Variants in MYOM2 observed in about 807,000 individuals in gnomAD.
The protein encoded by MYOM2 is myomesin-2.
In MYOM2, 254 loss-of-function variants were observed where a neutral mutation model predicts 187.6. The ratio of observed to expected loss-of-function variants is 1.35; its 90% CI spans 1.22 to 1.50. MYOM2 has a LOEUF of 1.50. Ranked by LOEUF, MYOM2 falls within the 40% of genes most tolerant of loss-of-function variation. The pLI, the probability that MYOM2 is intolerant of heterozygous loss-of-function variation, is 0.00. For synonymous variants in MYOM2, 981 were observed against 753.8 expected (o/e 1.30, Z -4.94); for missense variants, 2,796 against 1,924.0 (o/e 1.45, Z -8.48).
At chr8:2,135,370 T>C (rs746904493) in intron 32 of MYOM2, among the ~76,000 whole-genome samples, 1 of 152,230 alleles carries the variant, frequency 6.6e-6, no homozygotes, top group Non-Finnish European at 1.5e-5. Context: ...TGTTCATTTG[T>C]TACTGTTCGT....
rs543060411 is a variant in MYOM2 at position 2,115,691 on chromosome 8, T to C, written c.3181-269T>C. On this transcript the variant is annotated intron_variant, in intron 25 of 36. Transcript: ENST00000262113. Reference sequence around the variant, plus strand: ...TATCTGCTTCACGTTAGTAACTCATTCTTGGGTAGGTGTGGAGTCTCTGCC... The same window carrying C: ...TATCTGCTTCACGTTAGTAACTCATCCTTGGGTAGGTGTGGAGTCTCTGCC... Among the ~76,000 whole-genome samples the C allele has an allele frequency of 1.3e-5, 2 of 152,362 alleles. 1 individual carries two copies. The highest frequency in any genetic ancestry group is 4.1e-4 in the South Asian group (2 of 4,826).
rs1272038420 is a variant in MYOM2 at position 2,057,410 on chromosome 8, C to T, written c.326C>T (p.Ala109Val). 2 of 1,613,880 alleles carry T rather than the reference C, an allele frequency of 1.2e-6. No homozygotes were observed. Among genetic ancestry groups the T allele is most frequent in the East Asian group, 4.5e-5 (2 of 44,872 alleles). ...CGACAGCGCTTCCTCAGCGAGCTGG[C>T]CCACTTGGAGGAGGATGTCCACCTG... Reference protein sequence around the residue: ...AKRQRFLSELAHLEEDVHLAR... With the variant: ...AKRQRFLSELVHLEEDVHLAR... Residue 109 changes from alanine to valine, a missense_variant, in exon 4 of 37, where the codon GCC becomes GTC. By Grantham distance (64) the Ala-to-Val change is moderately conservative. Coordinates refer to ENST00000262113, the MANE Select transcript of MYOM2 (RefSeq NM_003970.4).
At chr8:2,073,797 G>A (rs926303945) in intron 10 of MYOM2, among the ~76,000 whole-genome samples, 1 of 152,214 alleles carries the variant, frequency 6.6e-6, no homozygotes, top group East Asian at 1.9e-4. Context: ...CCAAGAGTGA[G>A]TGCCCCAGAT....
chr8:2,089,840 T>C (rs977928317), intron 14 of MYOM2, among the ~76,000 whole-genome samples, 168 bp from the exon 15 acceptor site: 2 of 152,234 alleles, frequency 1.3e-5, no homozygotes, highest in Non-Finnish European at 2.9e-5. Context: ...ATTGGCATCA[T>C]GTTTCATAAA....
chr8:2,140,863 G>T lies in MYOM2; in HGVS notation c.3941G>T (p.Arg1314Leu), dbSNP rs767285909. 3 of 1,613,746 alleles carry T rather than the reference G, an allele frequency of 1.9e-6. No individual in the cohort carries two copies. The highest frequency in any genetic ancestry group is 1.7e-6 in the Non-Finnish European group (2 of 1,179,860). ...EIFDGKDNHQRSLDLSGQAFD... is the reference protein window; with the variant it reads ...EIFDGKDNHQLSLDLSGQAFD... ...TTCGATGGCAAAGACAACCATCAAC[G>T]CTCCCTTGACCTGTCCGGACAAGGT... is the stretch of plus-strand genomic sequence containing the variant. Residue 1314 changes from arginine (R) to leucine (L), a missense_variant, in exon 33 of 37, where the codon CGC becomes CTC. Transcript: ENST00000262113.
At chr8:2,106,455 A>G (rs1346385501) in intron 22 of MYOM2, 36 bp from the exon 23 acceptor site, 1 of 1,610,162 alleles carries the variant, frequency 6.2e-7, no homozygotes, top group African/African-American at 1.3e-5. Context: ...TGCAAACAGA[A>G]ATGATCGACA....
At chr8:2,140,140 C>G (rs550168638) in intron 32 of MYOM2, among the ~76,000 whole-genome samples, 1 of 152,132 alleles carries the variant, frequency 6.6e-6, no homozygotes, top group Non-Finnish European at 1.5e-5. Flanking sequence ...ACCCTAAGCC[C>G]TTCATAGGAG....
intron 17 of MYOM2, among the ~76,000 whole-genome samples, chr8:2,094,721 A>G (rs563530248): frequency 1.3e-5 from 2 of 152,352 alleles, no homozygotes; most frequent in Non-Finnish European, 2.9e-5. Context: ...AGCAACATCC[A>G]TGACCTTTTT....
In MYOM2 at chr8:2,100,873, C is replaced by G; in HGVS notation, c.2441-3C>G. 6.2e-7 allele frequency: 1 copy of G among 1,614,050 alleles called. No homozygotes were observed. The highest frequency in any genetic ancestry group is 8.5e-7 in the Non-Finnish European group (1 of 1,179,936). ...AGAAACAAGGTGGCATCTGACTTCACAGGTCCTGCCTACGACTTGACGTTC... is the reference window on the plus strand; with the variant it reads ...AGAAACAAGGTGGCATCTGACTTCAGAGGTCCTGCCTACGACTTGACGTTC... On this transcript the variant is annotated splice_region_variant and splice_polypyrimidine_tract_variant and intron_variant, in intron 19 of 36. Transcript: ENST00000262113.
At chr8:2,142,982 C>A (rs1341493304) in intron 35 of MYOM2, among the ~76,000 whole-genome samples, 1 of 152,016 alleles carries the variant, frequency 6.6e-6, no homozygotes, top group African/African-American at 2.4e-5. Flanking sequence ...TCTCTAACTC[C>A]TGACCTCAGA....
At chr8:2,104,455 A>T (rs1027744431) in intron 21 of MYOM2, among the ~76,000 whole-genome samples, 1 of 152,046 alleles carries the variant, frequency 6.6e-6, no homozygotes, top group Admixed American at 6.5e-5. Flanking sequence ...TACAAAAAGA[A>T]TTAGCTGGGC....
intron 28 of MYOM2, among the ~76,000 whole-genome samples, chr8:2,121,213 C>T (rs968263624): frequency 6.6e-6 from 1 of 152,078 alleles, no homozygotes; most frequent in Non-Finnish European, 1.5e-5. Context: ...AAATCAGTTC[C>T]TTAGGGAGTC....
At chr8:2,073,733 AT>A (rs1396666112) in intron 10 of MYOM2, among the ~76,000 whole-genome samples, 8 of 152,118 alleles carry the variant, frequency 5.3e-5, no homozygotes, top group Admixed American at 3.9e-4. Flanking sequence ...CAGAATCATC[AT>A]TTTTTTGTCT....
intron 14 of MYOM2, among the ~76,000 whole-genome samples, chr8:2,087,682 C>G (rs572378910): frequency 3.8e-4 from 58 of 152,340 alleles, no homozygotes; most frequent in African/African-American, 1.3e-3. Context: ...ACAGTCATGG[C>G]TCACTGCAGT....
intron 32 of MYOM2, 63 bp from the exon 33 acceptor site, chr8:2,140,660 G>A (rs1585981309): frequency 2.6e-6 from 4 of 1,549,970 alleles, no homozygotes; most frequent in South Asian, 2.3e-5. Context: ...ACATTGCCCT[G>A]TAGACATTGT....
chr8:2,102,792 CAACAAA>C lies in MYOM2; in HGVS notation c.2734+15_2734+20del, dbSNP rs1563057228. On this transcript the variant is annotated intron_variant, in intron 21 of 36. Coordinates refer to ENST00000262113, the MANE Select transcript of MYOM2 (RefSeq NM_003970.4). ...TAGAGGCGAGACCAGGTAAGGCTTA[CAACAAA>C]AACTACAAAACAGCAATGATTTGTG... 2.5e-6 allele frequency: 4 copies of C among 1,599,380 alleles called. No individual in the cohort carries two copies. In the African/African-American group the frequency reaches 5.4e-5, roughly 21 times the overall value.
intron 10 of MYOM2, among the ~76,000 whole-genome samples, chr8:2,075,796 G>T (rs773163576): frequency 1.3e-5 from 2 of 152,210 alleles, no homozygotes; most frequent in African/African-American, 4.8e-5. Flanking sequence ...AGAAATGCCA[G>T]ATTATTGTCA....
intron 28 of MYOM2, among the ~76,000 whole-genome samples, chr8:2,121,985 C>T (rs1359769519): frequency 1.3e-5 from 2 of 152,128 alleles, no homozygotes; most frequent in Non-Finnish European, 2.9e-5. Flanking sequence ...GAACCGTCTC[C>T]CCCAATTATA....
intron 16 of MYOM2, 139 bp downstream of exon 16, chr8:2,092,659 C>A: frequency 1.2e-6 from 1 of 849,864 alleles, no homozygotes. Context: ...CACACAAGGG[C>A]TGTATAATTT....
Sources: gnomAD v4.1 joint callset for allele counts (sites outside exome capture counted in the v4.1 genomes callset) on GRCh38, gnomAD v4.1.1 for gene constraint, MANE v1.5 for transcripts, NCBI Gene and HGNC (gene_info 2026-07-23, HGNC 2026-07-21) for gene names.